The following PDZRN4 variants were observed in gnomAD, a reference collection of about 807,000 sequenced individuals.
PDZRN4 encodes the protein PDZ domain-containing RING finger protein 4.
In PDZRN4, 70 loss-of-function variants were observed where a neutral mutation model predicts 99.0. The ratio of observed to expected loss-of-function variants is 0.71; its 90% CI spans 0.58 to 0.86. The LOEUF (loss-of-function observed/expected upper bound fraction) is 0.86, where lower values mean the gene tolerates loss of function less well. Among genes scored for constraint, PDZRN4 ranks in the 40% least tolerant of loss-of-function variants. The pLI is 0.00. For missense variants in PDZRN4, 1,474 were observed against 1,331.2 expected (o/e 1.11, Z -1.67); for synonymous variants, 551 against 501.6 (o/e 1.10, Z -1.32).
chr12:41,545,754 T>C (rs1938939308), intron 5 of PDZRN4, among the ~76,000 whole-genome samples: 1 of 152,028 alleles, frequency 6.6e-6, no homozygotes, highest in African/African-American at 2.4e-5. Context: ...TACAAATGCA[T>C]GTGGATTGAC....
At chr12:41,503,200 C>G (rs1938140888) in intron 3 of PDZRN4, among the ~76,000 whole-genome samples, 1 of 152,038 alleles carries the variant, frequency 6.6e-6, no homozygotes, top group Admixed American at 6.6e-5. Context: ...ATTTAAAGGT[C>G]ATAGACTTCT....
Position 41,258,607 on chromosome 12 carries a change from G to A in PDZRN4, c.843+64419G>A, listed in dbSNP as rs570497963. Among the ~76,000 whole-genome samples the A allele has an allele frequency of 2.6e-5, 4 of 152,180 alleles. No individual in the cohort carries two copies. The South Asian group carries it at 6.2e-4, about 24-fold the overall frequency. On this transcript the variant is annotated intron_variant, in intron 3 of 9. Transcript: ENST00000402685. ...ACAAAGACTACTCTCTTAAAATTAA[G>A]TACCAAAAACGTGAAACTACATATA...
chr12:41,574,117 C>A lies in PDZRN4; in HGVS notation c.*227C>A. The A allele has an allele frequency of 3.0e-6, 1 of 331,308 alleles. No homozygotes were observed. Among genetic ancestry groups the A allele is most frequent in the Non-Finnish European group, 5.4e-6 (1 of 185,236 alleles). The allele number at this position is 331,308 out of a possible 1,614,324, so 20.5% of individuals were successfully genotyped here. ...TTACTTGTGATATATTCATATTACT[C>A]GTTTATAAAAAATCAAAAACAAAAG... On this transcript the variant is annotated 3_prime_UTR_variant, in exon 10 of 10. Coordinates refer to ENST00000402685, the MANE Select transcript of PDZRN4 (RefSeq NM_001164595.2).
intron 3 of PDZRN4, among the ~76,000 whole-genome samples, chr12:41,439,383 T>C (rs926313046): frequency 6.6e-6 from 1 of 152,192 alleles, no homozygotes; most frequent in African/African-American, 2.4e-5. Context: ...GAGTTTGAGT[T>C]CTAGTATTGT....
At chr12:41,361,751 T>C (rs993465514) in intron 3 of PDZRN4, among the ~76,000 whole-genome samples, 18 of 152,040 alleles carry the variant, frequency 1.2e-4, no homozygotes, top group Admixed American at 1.2e-3. Context: ...GTACCTTTAA[T>C]GTGCACAGGA....
chr12:41,188,941 T>G lies in PDZRN4; in HGVS notation c.486T>G (p.Pro162=), dbSNP rs1950715314. 16 of 1,341,564 alleles carry G rather than the reference T, an allele frequency of 1.2e-5. No individual in the cohort carries two copies. Among genetic ancestry groups the G allele is most frequent in the Non-Finnish European group, 8.6e-6 (9 of 1,045,094 alleles). 83.1% of individuals were successfully genotyped at this position (1,341,564 alleles called of 1,614,324 possible). A position where few individuals can be genotyped will look rare whatever the true frequency, so the allele number is the denominator to read the frequency against. Residue 162 remains proline, a synonymous_variant, in exon 1 of 10, where the codon CCT becomes CCG. Transcript: ENST00000402685. ...GRWGRGRGPG[P]RVLAWRRREK... ...GGGGCCGCGGGCGGGGACCCGGGCCTCGGGTCCTCGCCTGGAGGCGGCGCG... is the reference window on the plus strand; with the variant it reads ...GGGGCCGCGGGCGGGGACCCGGGCCGCGGGTCCTCGCCTGGAGGCGGCGCG...
chr12:41,375,479 C>T (rs1457956097), intron 3 of PDZRN4, among the ~76,000 whole-genome samples: 2 of 152,154 alleles, frequency 1.3e-5, no homozygotes, highest in Non-Finnish European at 2.9e-5. Context: ...CAATGAATTG[C>T]ATGTACTAAC....
chr12:41,219,340 A>G (rs1408872490), intron 3 of PDZRN4, among the ~76,000 whole-genome samples: 4 of 152,096 alleles, frequency 2.6e-5, no homozygotes, highest in Admixed American at 2.0e-4. Flanking sequence ...AGAGGTGAGA[A>G]TGGTAGGGAG....
At chr12:41,370,207 C>A (rs1952031039) in intron 3 of PDZRN4, among the ~76,000 whole-genome samples, 1 of 151,786 alleles carries the variant, frequency 6.6e-6, no homozygotes, top group Non-Finnish European at 1.5e-5. Flanking sequence ...GATTCTATTC[C>A]TTCCTTCTAG....
chr12:41,188,966 G>T lies in PDZRN4; in HGVS notation c.511G>T (p.Glu171Ter), dbSNP rs575727020. The T allele has an allele frequency of 6.8e-7, 1 of 1,467,278 alleles. No homozygotes were observed. Among genetic ancestry groups the T allele is most frequent in the East Asian group, 2.9e-5 (1 of 33,972 alleles). 90.9% of individuals were successfully genotyped at this position (1,467,278 alleles called of 1,614,324 possible). A position where few individuals can be genotyped will look rare whatever the true frequency, so the allele number is the denominator to read the frequency against. ...GPRVLAWRRR[E>*]KALLAQLWAL... ...TCGGGTCCTCGCCTGGAGGCGGCGC[G>T]AGAAGGCGCTGCTGGCGCAGCTCTG... The change falls in exon 1 of 10, where the codon GAG becomes TAG. Residue 171 changes from glutamate to a stop codon, truncating the protein, a stop_gained. Coordinates refer to ENST00000402685, the MANE Select transcript of PDZRN4 (RefSeq NM_001164595.2). LOFTEE classifies it high-confidence loss of function.
At chr12:41,200,515 A>G (rs1950807921) in intron 3 of PDZRN4, among the ~76,000 whole-genome samples, 1 of 152,042 alleles carries the variant, frequency 6.6e-6, no homozygotes, top group South Asian at 2.1e-4. Context: ...TGAGTGCTAA[A>G]CTCCTGAGAA....
At chr12:41,488,468 C>A (rs1427587739) in intron 3 of PDZRN4, among the ~76,000 whole-genome samples, 6 of 152,154 alleles carry the variant, frequency 3.9e-5, no homozygotes, top group Admixed American at 3.9e-4. Flanking sequence ...GTTGAAATAA[C>A]TAAGTGACAA....
chr12:41,569,702 G>A (rs899121479), intron 9 of PDZRN4, among the ~76,000 whole-genome samples: 13 of 152,196 alleles, frequency 8.5e-5, no homozygotes, highest in African/African-American at 3.1e-4. Context: ...ACAGAAATGT[G>A]TATGTGTGTG....
chr12:41,558,466 C>A (rs184265240), intron 7 of PDZRN4, among the ~76,000 whole-genome samples: 1 of 152,278 alleles, frequency 6.6e-6, no homozygotes, highest in African/African-American at 2.4e-5. Flanking sequence ...AACCCCTCTT[C>A]CCTAGGCTAG....
chr12:41,241,740 A>G (rs929356810), intron 3 of PDZRN4, among the ~76,000 whole-genome samples: 1 of 152,178 alleles, frequency 6.6e-6, no homozygotes, highest in African/African-American at 2.4e-5. Flanking sequence ...AGATAATATT[A>G]AAAGTGTTTA....
At chr12:41,456,556 T>C (rs574899453) in intron 3 of PDZRN4, among the ~76,000 whole-genome samples, 32 of 152,130 alleles carry the variant, frequency 2.1e-4, no homozygotes, top group Non-Finnish European at 4.6e-4. Flanking sequence ...AAAAATGATA[T>C]CCCCAGTGCC....
intron 3 of PDZRN4, among the ~76,000 whole-genome samples, chr12:41,435,841 A>G (rs1020948225): frequency 1.1e-4 from 16 of 152,338 alleles, no homozygotes; most frequent in Admixed American, 9.2e-4. Context: ...CTGAGAATCA[A>G]TAATTCTTCC....
chr12:41,443,173 G>C (rs1211416423), intron 3 of PDZRN4, among the ~76,000 whole-genome samples: 1 of 152,084 alleles, frequency 6.6e-6, no homozygotes, highest in Non-Finnish European at 1.5e-5. Flanking sequence ...TAGCATAAGA[G>C]AGGCATAAAC....
At chr12:41,356,435 A>G (rs1467450821) in intron 3 of PDZRN4, among the ~76,000 whole-genome samples, 2 of 151,970 alleles carry the variant, frequency 1.3e-5, no homozygotes, top group Non-Finnish European at 2.9e-5. Flanking sequence ...TTTAGAATCT[A>G]TACTGAAGGC....
Sources: gnomAD v4.1 joint callset for allele counts (sites outside exome capture counted in the v4.1 genomes callset) on GRCh38, gnomAD v4.1.1 for gene constraint, MANE v1.5 for transcripts, NCBI Gene and HGNC (gene_info 2026-07-23, HGNC 2026-07-21) for gene names.